Variants in ATF2 observed in about 807,000 individuals in gnomAD.
ATF2 encodes cyclic AMP-dependent transcription factor ATF-2.
A neutral mutation model predicts 60.6 loss-of-function variants in ATF2; 24 were observed. The observed-to-expected ratio is 0.40, with a 90% CI of 0.29 to 0.56. The LOEUF (loss-of-function observed/expected upper bound fraction) is 0.56, where lower values mean the gene tolerates loss of function less well. Ranked by LOEUF, ATF2 falls within the 20% of genes least tolerant of loss-of-function variation. The probability of loss-of-function intolerance (pLI) is 0.54; values close to 1 mark genes in which losing one functional copy is unlikely to be tolerated. For missense variants in ATF2, 433 were observed against 607.7 expected (o/e 0.71, Z 3.02); for synonymous variants, 206 against 215.4 (o/e 0.96, Z 0.38).
At position 175,114,792 on chromosome 2, in the gene ATF2, A is replaced by C; in HGVS notation, c.524T>G (p.Leu175Arg). ...TACACTTGAGTCAGAACTTGTAAGC[A>C]GCACATTGGGAACCTGTAATGATGC... ...RPASLQVPNV[L>R]LTSSDSSVII... Residue 175 changes from leucine (L) to arginine (R), a missense_variant, in exon 8 of 14, where the codon CTG becomes CGG. Leu to Arg is a moderately radical substitution (Grantham distance 102). Around this residue, in one of 5 missense-constraint regions of ATF2, gnomAD observed 246 missense variants for 309.3 expected, o/e 0.80. Transcript: ENST00000264110. The C allele has an allele frequency of 6.2e-7, 1 of 1,614,058 alleles. No homozygotes were observed. Among genetic ancestry groups the C allele is most frequent in the South Asian group, 1.1e-5 (1 of 91,080 alleles).
At chr2:175,167,687 A>G (rs373954778) in intron 1 of ATF2, 57 of 503,674 alleles carry the variant, frequency 1.1e-4, no homozygotes, top group South Asian at 3.4e-4. Flanking sequence ...GCGCGCCCCG[A>G]GGACCTCTGA....
chr2:175,094,403 G>GAAAAAAAAAAAAAAAAAAA (rs61440218), intron 11 of ATF2, among the ~76,000 whole-genome samples: 6 of 61,142 alleles, frequency 9.8e-5, no homozygotes, highest in Non-Finnish European at 1.7e-4. Flanking sequence ...CAAAAAATAC[G>GAAAAAAAAAAAAAAAAAAA]AAAAAAAAAA....
In ATF2 at chr2:175,111,595, G is replaced by T; in HGVS notation, c.801C>A (p.Pro267=). ...TTTTTGCTTCTGACTGTACTGGTTG[G>T]GGAGAGGAAGGACCTGGGATTCCTG... ...SVPGIPGPSS[P]QPVQSEAKMR... The change falls in exon 10 of 14, where the codon CCC becomes CCA. Residue 267 remains proline, a synonymous_variant. Transcript: ENST00000264110. 1 of 1,613,784 alleles carries T rather than the reference G, an allele frequency of 6.2e-7. No individual in the cohort carries two copies. The highest frequency in any genetic ancestry group is 1.1e-5 in the South Asian group (1 of 91,042).
intron 5 of ATF2, among the ~76,000 whole-genome samples, chr2:175,120,242 A>G (rs1171155632): frequency 6.6e-6 from 1 of 150,652 alleles, no homozygotes; most frequent in Admixed American, 6.6e-5. Flanking sequence ...GGTTGTTACT[A>G]TTTTGCTTGT....
chr2:175,154,474 CTT>C (rs1320180230), intron 1 of ATF2, among the ~76,000 whole-genome samples: 1 of 151,350 alleles, frequency 6.6e-6, no homozygotes, highest in Non-Finnish European at 1.5e-5. Flanking sequence ...TTAAAATAAA[CTT>C]TTTTTTAAAA....
chr2:175,141,243 A>G (rs939199033), intron 2 of ATF2, among the ~76,000 whole-genome samples: 2 of 151,362 alleles, frequency 1.3e-5, no homozygotes, highest in African/African-American at 2.4e-5. Context: ...AACTCACCCT[A>G]GTTTTTTTCC....
intron 13 of ATF2, 56 bp from the exon 14 acceptor site, chr2:175,074,891 G>C (rs1417778821): frequency 6.3e-7 from 1 of 1,599,132 alleles, no homozygotes; most frequent in African/African-American, 1.3e-5. Context: ...GAATGCACCA[G>C]TATGCTGAGG....
intron 1 of ATF2, among the ~76,000 whole-genome samples, chr2:175,153,958 G>A (rs560604606): frequency 4.0e-5 from 6 of 151,496 alleles, no homozygotes; most frequent in South Asian, 2.1e-4. Context: ...GGTGGCTCAC[G>A]CCTGTAATCC....
chr2:175,136,172 T>G (rs1698135039), intron 3 of ATF2, among the ~76,000 whole-genome samples: 1 of 152,136 alleles, frequency 6.6e-6, no homozygotes, highest in Non-Finnish European at 1.5e-5. Flanking sequence ...GAACTCATTT[T>G]AGAGGAAATC....
intron 2 of ATF2, among the ~76,000 whole-genome samples, chr2:175,143,167 C>T (rs1445760914): frequency 6.6e-6 from 1 of 152,040 alleles, no homozygotes; most frequent in Non-Finnish European, 1.5e-5. Context: ...ATAAAAGTTA[C>T]CTTGAATACT....
At chr2:175,106,231 T>A (rs1042349105) in intron 10 of ATF2, among the ~76,000 whole-genome samples, 1 of 152,066 alleles carries the variant, frequency 6.6e-6, no homozygotes, top group Non-Finnish European at 1.5e-5. Flanking sequence ...TTATATCCAG[T>A]GTAAATAAAG....
chr2:175,077,338 G>T (rs530217333), intron 13 of ATF2, among the ~76,000 whole-genome samples: 1 of 152,112 alleles, frequency 6.6e-6, no homozygotes, highest in Non-Finnish European at 1.5e-5. Context: ...GGGTCAAATC[G>T]TATTTCTAGT....
intron 10 of ATF2, among the ~76,000 whole-genome samples, chr2:175,104,121 A>G (rs545200946): frequency 2.6e-5 from 4 of 152,244 alleles, no homozygotes; most frequent in Admixed American, 2.0e-4. Flanking sequence ...TGCATACATA[A>G]TATCTTCCTG....
intron 1 of ATF2, among the ~76,000 whole-genome samples, chr2:175,163,918 CAAAAA>C (rs1176905315): frequency 3.3e-5 from 1 of 30,324 alleles, no homozygotes; most frequent in African/African-American, 1.2e-4. Flanking sequence ...AACTCCGTCT[CAAAAA>C]AAAAAAAAAG....
chr2:175,125,719 G>A (rs1310094975), intron 4 of ATF2, among the ~76,000 whole-genome samples: 1 of 152,078 alleles, frequency 6.6e-6, no homozygotes, highest in African/African-American at 2.4e-5. Context: ...TCAAGCAATA[G>A]TGACTTAAAG....
At chr2:175,142,720 A>T (rs10197487) in intron 2 of ATF2, among the ~76,000 whole-genome samples, 21,563 of 70,430 alleles carry the variant, frequency 0.31, 1,884 homozygotes, top group Admixed American at 0.35. Context: ...AGAGAGAGAG[A>T]GTGTGTGTGT....
chr2:175,139,853 C>T (rs1698385026), intron 2 of ATF2, among the ~76,000 whole-genome samples: 1 of 152,060 alleles, frequency 6.6e-6, no homozygotes. Flanking sequence ...ATTGTAAATA[C>T]TTCCATTCCA....
At chr2:175,108,724 C>A (rs984000035) in intron 10 of ATF2, among the ~76,000 whole-genome samples, 1 of 152,012 alleles carries the variant, frequency 6.6e-6, no homozygotes, top group Non-Finnish European at 1.5e-5. Flanking sequence ...GGCGGTTTTG[C>A]GGAATAGAAA....
chr2:175,136,308 G>A, intron 3 of ATF2, 104 bp downstream of exon 3: 1 of 1,109,740 alleles, frequency 9.0e-7, no homozygotes. Context: ...TGTTTTGTAT[G>A]GAAAAAAACA....
Sources: allele counts gnomAD v4.1 joint callset (sites outside exome capture counted in the v4.1 genomes callset), GRCh38; gene constraint gnomAD v4.1.1; regional missense constraint gnomAD v4.1.1; transcripts MANE v1.5; gene names NCBI Gene and HGNC (gene_info 2026-07-23, HGNC 2026-07-21).